Variants in CBFB observed in about 807,000 individuals in gnomAD.
The protein encoded by CBFB is CBF-beta.
CBFB carries 9 observed loss-of-function variants against 30.4 expected under a neutral mutation model. That is an observed-to-expected ratio of 0.30 (90% CI 0.18 to 0.52). The LOEUF (loss-of-function observed/expected upper bound fraction) is 0.52. Ranked by LOEUF, CBFB falls within the 20% of genes least tolerant of loss-of-function variation. The probability of loss-of-function intolerance (pLI) is 0.97; values close to 1 mark genes in which losing one functional copy is unlikely to be tolerated. For missense variants in CBFB, 170 were observed against 244.0 expected (o/e 0.70, Z 2.02); for synonymous variants, 94 against 84.0 (o/e 1.12, Z -0.65).
chr16:67,049,290 G>A (rs564449566), intron 3 of CBFB, among the ~76,000 whole-genome samples: 7 of 151,846 alleles, frequency 4.6e-5, no homozygotes, highest in East Asian at 1.9e-4. Flanking sequence ...TGCAACCTCC[G>A]CCTCCCGGAT....
At chr16:67,069,504 G>A (rs994067386) in intron 4 of CBFB, among the ~76,000 whole-genome samples, 16 of 152,246 alleles carry the variant, frequency 1.1e-4, no homozygotes, top group Non-Finnish European at 1.5e-4. Context: ...ACCAGCACAC[G>A]TATTAACATA....
At chr16:67,095,933 C>T (rs1002353176) in intron 5 of CBFB, among the ~76,000 whole-genome samples, 9 of 151,180 alleles carry the variant, frequency 6.0e-5, no homozygotes, top group Non-Finnish European at 1.2e-4. Context: ...CTCAGGTGAT[C>T]CGCCCACCTT....
chr16:67,029,948 A>T, intron 2 of CBFB, 135 bp downstream of exon 2: 1 of 529,576 alleles, frequency 1.9e-6, no homozygotes, highest in Non-Finnish European at 3.1e-6. Flanking sequence ...CCTACTCGGG[A>T]TTCAAAATGC....
intron 3 of CBFB, among the ~76,000 whole-genome samples, chr16:67,057,834 T>C (rs2145739834): frequency 6.6e-6 from 1 of 152,330 alleles, no homozygotes; most frequent in Middle Eastern, 3.4e-3. Flanking sequence ...GGTTTCATTT[T>C]TGAATTTTTT....
chr16:67,052,079 CA>C (rs1477332926), intron 3 of CBFB, among the ~76,000 whole-genome samples: 7 of 151,430 alleles, frequency 4.6e-5, no homozygotes, highest in African/African-American at 1.7e-4. Flanking sequence ...GCCCTCCTCC[CA>C]TGTTGCCCAG....
intron 3 of CBFB, among the ~76,000 whole-genome samples, chr16:67,052,325 T>C (rs1393743908): frequency 6.6e-6 from 1 of 152,176 alleles, no homozygotes; most frequent in African/African-American, 2.4e-5. Flanking sequence ...ATCCTAGCAC[T>C]TTGGGAGGCC....
Position 67,054,734 on chromosome 16 carries a change from A to G in CBFB, c.283-11948A>G, listed in dbSNP as rs370857763. 9.8e-4 allele frequency among the ~76,000 whole-genome samples: 149 copies of G among 151,922 alleles called. 2 individuals are homozygous for G. In the South Asian group the frequency reaches 0.029, roughly 30 times the overall value. On this transcript the variant is annotated intron_variant, in intron 3 of 5. Transcript: ENST00000412916. Reference sequence around the variant, plus strand: ...CTTATATTGGGTCTTAATTTCTACTATATTTCAACAGAGCTTTTTGTTTGT... The same window carrying G: ...CTTATATTGGGTCTTAATTTCTACTGTATTTCAACAGAGCTTTTTGTTTGT...
At chr16:67,060,495 G>C (rs950312102) in intron 3 of CBFB, among the ~76,000 whole-genome samples, 1 of 151,944 alleles carries the variant, frequency 6.6e-6, no homozygotes, top group Non-Finnish European at 1.5e-5. Flanking sequence ...TATCTCCTTC[G>C]TGTTGCTCTG....
At chr16:67,091,750 C>G (rs765382482) in intron 5 of CBFB, among the ~76,000 whole-genome samples, 17 of 152,064 alleles carry the variant, frequency 1.1e-4, no homozygotes, top group South Asian at 8.3e-4. Flanking sequence ...TTTAATTTTA[C>G]TTTAAGTTCT....
chr16:67,059,990 G>A (rs966768907), intron 3 of CBFB, among the ~76,000 whole-genome samples: 1 of 102,554 alleles, frequency 9.8e-6, no homozygotes, highest in African/African-American at 3.6e-5. Flanking sequence ...TTTTTTTTTT[G>A]TTGAGACAGA....
rs145243660 is a variant in CBFB at position 67,094,532 on chromosome 16, G to A, written c.496-4178G>A. 1.4e-3 allele frequency among the ~76,000 whole-genome samples: 217 copies of A among 152,214 alleles called. 1 individual carries two copies. The highest frequency in any genetic ancestry group is 5.1e-3 in the African/African-American group (213 of 41,544). ...AATCCCATTATTATTAAAATAATTTGAAAATTATTTTTGCCCCAAGACACA... is the reference window on the plus strand; with the variant it reads ...AATCCCATTATTATTAAAATAATTTAAAAATTATTTTTGCCCCAAGACACA... On this transcript the variant is annotated intron_variant, in intron 5 of 5. Transcript: ENST00000412916.
At chr16:67,054,997 G>GT (rs890599429) in intron 3 of CBFB, among the ~76,000 whole-genome samples, 1 of 149,514 alleles carries the variant, frequency 6.7e-6, no homozygotes, top group Non-Finnish European at 1.5e-5. Flanking sequence ...TGCTACAAAT[G>GT]TTCCTTTTTT....
chr16:67,055,398 G>C (rs557400565), intron 3 of CBFB, among the ~76,000 whole-genome samples: 1 of 109,800 alleles, frequency 9.1e-6, no homozygotes, highest in African/African-American at 3.8e-5. Context: ...ACGGAGTCTC[G>C]CTCTGTCGCC....
intron 3 of CBFB, among the ~76,000 whole-genome samples, chr16:67,049,687 A>G (rs1240291793): frequency 1.3e-5 from 2 of 151,680 alleles, no homozygotes; most frequent in African/African-American, 4.8e-5. Context: ...GGGTCTCACT[A>G]TGTTGCTTAG....
At chr16:67,054,894 A>G (rs1026659100) in intron 3 of CBFB, among the ~76,000 whole-genome samples, 1 of 150,342 alleles carries the variant, frequency 6.7e-6, no homozygotes, top group African/African-American at 2.4e-5. Context: ...AGCTGGGACT[A>G]GAGGTGCCCA....
At position 67,031,873 on chromosome 16, in the gene CBFB, T is replaced by C. The variant is rs184160279; in HGVS notation, c.165+2060T>C. Among the ~76,000 whole-genome samples, 856 of 151,940 alleles carry C rather than the reference T, an allele frequency of 5.6e-3. 3 individuals are homozygous for C. The highest frequency in any genetic ancestry group is 0.019 in the African/African-American group (799 of 41,412). On this transcript the variant is annotated intron_variant, in intron 2 of 5. Coordinates refer to ENST00000412916, the MANE Select transcript of CBFB (RefSeq NM_022845.3). ...CTGTGTGGCCTAGGCTGGGGTGCAG[T>C]GGCTGTTCACAGGCACAATCATGAG...
At chr16:67,092,993 A>G (rs893821283) in intron 5 of CBFB, among the ~76,000 whole-genome samples, 2 of 152,130 alleles carry the variant, frequency 1.3e-5, no homozygotes, top group African/African-American at 4.8e-5. Context: ...GATTACAGGC[A>G]TGAGCCAAGT....
chr16:67,051,250 G>A (rs1432121277), intron 3 of CBFB, among the ~76,000 whole-genome samples: 1 of 152,110 alleles, frequency 6.6e-6, no homozygotes, highest in African/African-American at 2.4e-5. Context: ...CTGATGTTCC[G>A]TATGGTAGCT....
chr16:67,046,424 A>G (rs1966628559), intron 3 of CBFB, among the ~76,000 whole-genome samples: 1 of 152,190 alleles, frequency 6.6e-6, no homozygotes. Flanking sequence ...AAATGCTGCC[A>G]GGATAAAGAC....
Sources: allele counts gnomAD v4.1 joint callset (sites outside exome capture counted in the v4.1 genomes callset), GRCh38; gene constraint gnomAD v4.1.1; transcripts MANE v1.5; gene names NCBI Gene and HGNC (gene_info 2026-07-23, HGNC 2026-07-21).